RBFOX1: variants seen among roughly 807,000 people sequenced by gnomAD.
RBFOX1 encodes RNA binding protein fox-1 homolog 1.
In RBFOX1, 8 loss-of-function variants were observed where a neutral mutation model predicts 57.7. That is an observed-to-expected ratio of 0.14 (90% CI 0.08 to 0.25). The LOEUF is 0.25. RBFOX1 is among the 10% of genes least tolerant of loss of function. The pLI, the probability that RBFOX1 is intolerant of heterozygous loss-of-function variation, is 1.00. For missense variants in RBFOX1, 611 were observed against 548.5 expected (o/e 1.11, Z -1.14); for synonymous variants, 326 against 222.4 (o/e 1.47, Z -4.15).
intron 3 of RBFOX1, among the ~76,000 whole-genome samples, chr16:5,856,587 ATATATATATATATATAT>A (rs2057074751): frequency 1.3e-5 from 1 of 76,806 alleles, no homozygotes; most frequent in Non-Finnish European, 2.7e-5. Flanking sequence ...ATATATATAT[ATATATATATATATATAT>A]AATCTTAGCC....
At chr16:5,913,035 T>C (rs183104314) in intron 4 of RBFOX1, among the ~76,000 whole-genome samples, 1 of 152,290 alleles carries the variant, frequency 6.6e-6, no homozygotes, top group African/African-American at 2.4e-5. Flanking sequence ...GTTCAGACTC[T>C]AGCATTGCCA....
intron 4 of RBFOX1, among the ~76,000 whole-genome samples, chr16:7,508,018 AC>A (rs2073936021): frequency 1.4e-5 from 2 of 144,686 alleles, no homozygotes; most frequent in South Asian, 4.5e-4. Context: ...ATGGAGTCTC[AC>A]CCTATCACCC....
intron 5 of RBFOX1, among the ~76,000 whole-genome samples, chr16:7,567,133 G>GTATCTCCATATATATCTCCCTATATA (rs2091878326): frequency 1.1e-5 from 1 of 89,274 alleles, no homozygotes; most frequent in Non-Finnish European, 2.1e-5. Context: ...CCCTATATAT[G>GTATCTCCATATATATCTCCCTATATA]TATATCCATA....
intron 2 of RBFOX1, among the ~76,000 whole-genome samples, chr16:6,621,788 C>G (rs1015820823): frequency 6.6e-6 from 1 of 152,160 alleles, no homozygotes; most frequent in African/African-American, 2.4e-5. Context: ...GGACATGTGG[C>G]AACCCCAGAT....
At chr16:6,746,560 C>T (rs2073704837) in intron 3 of RBFOX1, among the ~76,000 whole-genome samples, 1 of 151,804 alleles carries the variant, frequency 6.6e-6, no homozygotes, top group African/African-American at 2.4e-5. Context: ...GTCTGCAGTC[C>T]CTAGCTACCT....
chr16:5,341,593 G>A lies in RBFOX1; in HGVS notation c.219+101488G>A, dbSNP rs549257018. On this transcript the variant is annotated intron_variant, in intron 1 of 2. Transcript: ENST00000585867. ...GCTTCATGGACACACAACGTGAGCA[G>A]TGACTAAGAAGCCCTTGTTTAGTAG... Among the ~76,000 whole-genome samples the A allele has an allele frequency of 2.6e-5, 4 of 152,330 alleles. No homozygotes were observed. The South Asian group carries it at 8.3e-4, about 32-fold the overall frequency.
chr16:7,098,062 T>C (rs1198349468), intron 4 of RBFOX1, among the ~76,000 whole-genome samples: 1 of 152,224 alleles, frequency 6.6e-6, no homozygotes, highest in Non-Finnish European at 1.5e-5. Context: ...GTTGTCAATA[T>C]GCTAACTTAA....
intron 4 of RBFOX1, among the ~76,000 whole-genome samples, chr16:7,063,452 A>C (rs887794933): frequency 1.3e-5 from 2 of 152,170 alleles, no homozygotes; most frequent in African/African-American, 2.4e-5. Context: ...AAGGCCACTG[A>C]GAATGTTTAT....
chr16:7,350,359 T>G (rs1436657539), intron 4 of RBFOX1, among the ~76,000 whole-genome samples: 3 of 152,134 alleles, frequency 2.0e-5, no homozygotes, highest in Non-Finnish European at 4.4e-5. Context: ...ATGGTCAGTA[T>G]GGCTGTGACA....
At chr16:5,362,261 G>C (rs1258459642) in intron 1 of RBFOX1, among the ~76,000 whole-genome samples, 1 of 152,088 alleles carries the variant, frequency 6.6e-6, no homozygotes, top group African/African-American at 2.4e-5. Context: ...CACGATCTCA[G>C]CTCACTGCAG....
chr16:5,897,122 G>A (rs974596276), intron 4 of RBFOX1, among the ~76,000 whole-genome samples: 22 of 145,956 alleles, frequency 1.5e-4, no homozygotes, highest in Admixed American at 2.2e-4. Flanking sequence ...TGCAAGCTCC[G>A]CTTCCCGGGT....
At chr16:7,023,897 G>C (rs1283661212) in intron 3 of RBFOX1, among the ~76,000 whole-genome samples, 1 of 152,120 alleles carries the variant, frequency 6.6e-6, no homozygotes, top group African/African-American at 2.4e-5. Context: ...ATCGAGTTTG[G>C]AAAGGGAGTT....
intron 4 of RBFOX1, among the ~76,000 whole-genome samples, chr16:7,123,619 C>T (rs891382261): frequency 6.6e-6 from 1 of 152,146 alleles, no homozygotes; most frequent in Non-Finnish European, 1.5e-5. Flanking sequence ...CCTGCCTCAA[C>T]TTCTCAGAGT....
intron 2 of RBFOX1, among the ~76,000 whole-genome samples, chr16:5,523,521 C>T (rs975666345): frequency 4.6e-5 from 7 of 152,120 alleles, no homozygotes; most frequent in East Asian, 3.9e-4. Context: ...GAGGCTGAGG[C>T]AGGAGGATCA....
At chr16:6,328,596 T>G (rs757851900) in intron 2 of RBFOX1, among the ~76,000 whole-genome samples, 1 of 152,148 alleles carries the variant, frequency 6.6e-6, no homozygotes, top group Non-Finnish European at 1.5e-5. Flanking sequence ...GACAACCAAA[T>G]GAGGATTCAA....
At chr16:7,165,387 G>GTAATAATAATAATAATAA (rs142157694) in intron 4 of RBFOX1, among the ~76,000 whole-genome samples, 10,153 of 141,034 alleles carry the variant, frequency 0.072, 463 homozygotes, top group African/African-American at 0.097. Flanking sequence ...TAACTCTTCT[G>GTAATAATAATAATAATAA]TAATAATAAT....
At chr16:7,268,422 C>T (rs1044237469) in intron 4 of RBFOX1, among the ~76,000 whole-genome samples, 2 of 152,186 alleles carry the variant, frequency 1.3e-5, no homozygotes, top group African/African-American at 4.8e-5. Flanking sequence ...GAGTTACTTG[C>T]TCTCTGGGAG....
rs143397867 is a variant in RBFOX1, at chr16:7,477,051, T to A, written c.28-41096T>A. Among the ~76,000 whole-genome samples the A allele has an allele frequency of 4.6e-3, 693 of 152,250 alleles. 2 individuals are homozygous for A. Among genetic ancestry groups the A allele is most frequent in the Non-Finnish European group, 6.6e-3 (450 of 68,022 alleles). On this transcript the variant is annotated intron_variant, in intron 4 of 15. Coordinates refer to ENST00000550418, the MANE Select transcript of RBFOX1 (RefSeq NM_018723.4). ...TGTCAGGCTGGAACCGTGGGTAACATGTTCCTTAACAGCAAGTTTCTTTAT... is the reference window on the plus strand; with the variant it reads ...TGTCAGGCTGGAACCGTGGGTAACAAGTTCCTTAACAGCAAGTTTCTTTAT...
intron 11 of RBFOX1, among the ~76,000 whole-genome samples, chr16:7,631,351 A>C (rs2060923908): frequency 6.6e-6 from 1 of 152,226 alleles, no homozygotes; most frequent in African/African-American, 2.4e-5. Flanking sequence ...GTAGATCACA[A>C]CATTGACATG....
Sources: allele counts gnomAD v4.1 joint callset (sites outside exome capture counted in the v4.1 genomes callset), GRCh38; gene constraint gnomAD v4.1.1; transcripts MANE v1.5; gene names NCBI Gene and HGNC (gene_info 2026-07-23, HGNC 2026-07-21).